Variants in PCDH15 observed in about 807,000 individuals in gnomAD.
The protein encoded by PCDH15 is protocadherin-15.
In PCDH15, 129 loss-of-function variants were observed where a neutral mutation model predicts 178.5. The ratio of observed to expected loss-of-function variants is 0.72; its 90% CI spans 0.63 to 0.84. The LOEUF (loss-of-function observed/expected upper bound fraction) is 0.84. PCDH15 is among the 40% of genes least tolerant of loss of function. PCDH15 has a pLI of 0.00. For synonymous variants in PCDH15, 800 were observed against 732.0 expected (o/e 1.09, Z -1.50); for missense variants, 2,230 against 2,099.9 (o/e 1.06, Z -1.21).
chr10:54,959,792 G>T (rs545592142), intron 2 of PCDH15, among the ~76,000 whole-genome samples: 14 of 152,182 alleles, frequency 9.2e-5, no homozygotes, highest in African/African-American at 3.4e-4. Context: ...AGGAAAAATT[G>T]TCCAGTTTTC....
chr10:53,959,811 C>A lies in PCDH15; in HGVS notation c.3043G>T (p.Val1015Leu). 6.2e-7 allele frequency: 1 copy of A among 1,614,086 alleles called. No individual in the cohort carries two copies. Among genetic ancestry groups the A allele is most frequent in the Non-Finnish European group, 8.5e-7 (1 of 1,179,968 alleles). Reference protein sequence around the residue: ...VVVAFDDGEPVMSSSATVKIL... With the variant: ...VVVAFDDGEPLMSSSATVKIL... ...TTCACTGTGGCACTGCTGGACATCACAGGCTCCCCATCATCAAAAGCAACC... is the reference window on the plus strand; with the variant it reads ...TTCACTGTGGCACTGCTGGACATCAAAGGCTCCCCATCATCAAAAGCAACC... The change falls in exon 23 of 38, where the codon GTG becomes TTG. Residue 1015 changes from valine (V) to leucine (L), a missense_variant. Coordinates refer to ENST00000644397, the MANE Select transcript of PCDH15 (RefSeq NM_001384140.1).
At chr10:54,200,890 C>T (rs1365125715) in intron 10 of PCDH15, among the ~76,000 whole-genome samples, 1 of 152,136 alleles carries the variant, frequency 6.6e-6, no homozygotes, top group African/African-American at 2.4e-5. Flanking sequence ...AATGTCAGTA[C>T]TATTATGACT....
At chr10:54,412,474 T>C (rs1204448869) in intron 3 of PCDH15, among the ~76,000 whole-genome samples, 1 of 152,106 alleles carries the variant, frequency 6.6e-6, no homozygotes, top group East Asian at 1.9e-4. Context: ...GTTGGGGAAT[T>C]TGGATGACCA....
At chr10:53,896,495 C>A (rs149863734) in intron 26 of PCDH15, among the ~76,000 whole-genome samples, 1 of 152,118 alleles carries the variant, frequency 6.6e-6, no homozygotes, top group Non-Finnish European at 1.5e-5. Context: ...ATTTATAGCA[C>A]CCTTGTTGCA....
At chr10:54,580,963 G>C (rs2090983088) in intron 2 of PCDH15, among the ~76,000 whole-genome samples, 2 of 151,918 alleles carry the variant, frequency 1.3e-5, no homozygotes, top group South Asian at 2.1e-4. Context: ...AAAATAATAA[G>C]AGTCATCTAT....
intron 3 of PCDH15, among the ~76,000 whole-genome samples, chr10:54,473,535 T>C (rs1199481139): frequency 5.9e-5 from 9 of 152,124 alleles, no homozygotes. Context: ...ACAGTTTTCC[T>C]TCTATTTTAT....
chr10:53,905,228 T>C (rs1181997878), intron 25 of PCDH15: 1 of 518,954 alleles, frequency 1.9e-6, no homozygotes, highest in Admixed American at 1.9e-5. Flanking sequence ...CCCTGTCGTG[T>C]CTTTCTAATG....
At chr10:54,609,322 A>G (rs923706301) in intron 2 of PCDH15, among the ~76,000 whole-genome samples, 1 of 152,062 alleles carries the variant, frequency 6.6e-6, no homozygotes, top group African/African-American at 2.4e-5. Flanking sequence ...ACTTGCACAC[A>G]AGTAAAGGAA....
At chr10:54,528,676 A>C (rs999929720) in intron 2 of PCDH15, among the ~76,000 whole-genome samples, 7 of 152,044 alleles carry the variant, frequency 4.6e-5, no homozygotes, top group Non-Finnish European at 1.0e-4. Context: ...CATAAAGTAA[A>C]TTGGTATTTT....
chr10:55,356,068 C>T (rs969491394), intron 2 of PCDH15, among the ~76,000 whole-genome samples: 2 of 151,846 alleles, frequency 1.3e-5, no homozygotes, highest in African/African-American at 4.8e-5. Context: ...GGATATGTAG[C>T]TCCAACTACA....
At chr10:55,201,653 TATTGATGTTC>T (rs1313707167) in intron 1 of PCDH15, among the ~76,000 whole-genome samples, 4 of 152,142 alleles carry the variant, frequency 2.6e-5, no homozygotes, top group Non-Finnish European at 4.4e-5. Context: ...GTCCACATAC[TATTGATGTTC>T]ATTGATGACA....
chr10:55,360,942 A>G (rs1845212319), intron 2 of PCDH15, among the ~76,000 whole-genome samples: 1 of 152,030 alleles, frequency 6.6e-6, no homozygotes, highest in South Asian at 2.1e-4. Context: ...CCAAATACGT[A>G]TTCAGAATAA....
At chr10:55,126,146 C>A (rs1247223611) in intron 2 of PCDH15, among the ~76,000 whole-genome samples, 1 of 152,044 alleles carries the variant, frequency 6.6e-6, no homozygotes, top group Admixed American at 6.6e-5. Context: ...GACCTTCATG[C>A]TGGTTCCATG....
intron 2 of PCDH15, among the ~76,000 whole-genome samples, chr10:55,354,134 T>C (rs761940435): frequency 5.3e-5 from 8 of 151,974 alleles, no homozygotes; most frequent in African/African-American, 1.2e-4. Flanking sequence ...TATCACTGAG[T>C]AAAGTAAAAC....
intron 2 of PCDH15, among the ~76,000 whole-genome samples, chr10:54,570,727 A>T (rs2133564340): frequency 6.6e-6 from 1 of 151,862 alleles, no homozygotes; most frequent in East Asian, 1.9e-4. Context: ...ATCTCCTCTC[A>T]CTGCAACCTC....
chr10:54,807,898 A>G (rs1380894560), intron 3 of PCDH15, among the ~76,000 whole-genome samples: 3 of 151,518 alleles, frequency 2.0e-5, no homozygotes, highest in African/African-American at 4.8e-5. Context: ...ACTTTTCTAC[A>G]TTGACAGCCT....
rs111520329 is a variant in PCDH15 at position 54,821,200 on chromosome 10, T to C, written c.-29+76250A>G. 3.7e-3 allele frequency among the ~76,000 whole-genome samples: 562 copies of C among 152,128 alleles called. 1 individual carries two copies. Among genetic ancestry groups the C allele is most frequent in the African/African-American group, 0.013 (540 of 41,544 alleles). On this transcript the variant is annotated intron_variant, in intron 3 of 5. Coordinates refer to the PCDH15 transcript ENST00000458638. ...GCAACCGTGCATAATGAAATCCATA[T>C]CAGCATTTTCAAGTTCCATGTTTGT...
rs577541809 is a variant in PCDH15, at chr10:54,679,720, T to C, written c.-28-15430A>G. Among the ~76,000 whole-genome samples the C allele has an allele frequency of 1.0e-3, 156 of 152,282 alleles. 1 individual carries two copies. The highest frequency in any genetic ancestry group is 1.8e-3 in the Admixed American group (27 of 15,294). ...AGAAAAACTAATAAGAGAATGAACATACTTAGTCTAATTAGAAAAGTTTTG... is the reference window on the plus strand; with the variant it reads ...AGAAAAACTAATAAGAGAATGAACACACTTAGTCTAATTAGAAAAGTTTTG... On this transcript the variant is annotated intron_variant, in intron 1 of 37. Coordinates refer to ENST00000644397, the MANE Select transcript of PCDH15 (RefSeq NM_001384140.1).
intron 2 of PCDH15, among the ~76,000 whole-genome samples, chr10:55,570,829 T>C (rs1050550493): frequency 3.9e-5 from 6 of 152,232 alleles, no homozygotes; most frequent in Admixed American, 6.6e-5. Context: ...TACTTCCTTA[T>C]TAGCTGTTAT....
Sources: gnomAD v4.1 joint callset for allele counts (sites outside exome capture counted in the v4.1 genomes callset) on GRCh38, gnomAD v4.1.1 for gene constraint, MANE v1.5 for transcripts, NCBI Gene and HGNC (gene_info 2026-07-23, HGNC 2026-07-21) for gene names.